The following HEMK2 variants were observed in gnomAD, a reference collection of about 807,000 sequenced individuals.
HEMK2 encodes HemK methyltransferase 2, ETF1 glutamine and histone H4 lysine, also known as methyltransferase HEMK2.
chr21:28,762,944 G>A, the HEMK2 span, among the ~76,000 whole-genome samples: 4 of 152,164 alleles, frequency 2.6e-5, no homozygotes, highest in Non-Finnish European at 5.9e-5. Flanking sequence ...TGTAACTACA[G>A]AGAGCTAGCG....
the HEMK2 span, among the ~76,000 whole-genome samples, chr21:28,693,947 G>A: frequency 1.1e-4 from 17 of 152,032 alleles, no homozygotes; most frequent in Non-Finnish European, 1.9e-4. Flanking sequence ...TTTTTTCAAA[G>A]TATTTCCAGG....
At chr21:28,753,340 CA>C in the HEMK2 span, among the ~76,000 whole-genome samples, 2 of 139,380 alleles carry the variant, frequency 1.4e-5, no homozygotes, top group Admixed American at 7.6e-5. Flanking sequence ...CTGGGCAACA[CA>C]GTGAGACTCT....
At chr21:28,712,521 T>C in the HEMK2 span, among the ~76,000 whole-genome samples, 1 of 152,188 alleles carries the variant, frequency 6.6e-6, no homozygotes, top group East Asian at 1.9e-4. Context: ...CAACAATGTT[T>C]CAAGGAGGCT....
the HEMK2 span, among the ~76,000 whole-genome samples, chr21:28,833,744 T>C: frequency 2.2e-4 from 33 of 152,324 alleles, no homozygotes; most frequent in African/African-American, 7.7e-4. Flanking sequence ...CCAGGCAAGG[T>C]TGGACTGAAT....
the HEMK2 span, among the ~76,000 whole-genome samples, chr21:28,675,570 C>T: frequency 5.3e-5 from 8 of 152,182 alleles, no homozygotes; most frequent in Non-Finnish European, 1.2e-4. Flanking sequence ...TAACCTTGCT[C>T]AGGGCATGCC....
the HEMK2 span, among the ~76,000 whole-genome samples, chr21:28,797,689 T>C: frequency 6.6e-6 from 1 of 151,728 alleles, no homozygotes; most frequent in Non-Finnish European, 1.5e-5. Flanking sequence ...AAAAAATAAC[T>C]TGGGTGACAG....
At chr21:28,786,752 G>T in the HEMK2 span, among the ~76,000 whole-genome samples, 1 of 151,442 alleles carries the variant, frequency 6.6e-6, no homozygotes, top group African/African-American at 2.4e-5. Flanking sequence ...AAAGACTGAT[G>T]ATATTATTAA....
the HEMK2 span, among the ~76,000 whole-genome samples, chr21:28,632,782 G>C: frequency 2.2e-3 from 332 of 152,252 alleles, 1 homozygote; most frequent in African/African-American, 7.6e-3. Context: ...TTTAGCTAAT[G>C]ACAGTAGCTA....
the HEMK2 span, among the ~76,000 whole-genome samples, chr21:28,633,975 C>A: frequency 1.3e-5 from 2 of 152,160 alleles, no homozygotes; most frequent in African/African-American, 2.4e-5. Flanking sequence ...CTTCGGTTAT[C>A]TAAGATAATT....
the HEMK2 span, among the ~76,000 whole-genome samples, chr21:28,624,545 G>C: frequency 2.0e-5 from 3 of 152,194 alleles, no homozygotes; most frequent in Non-Finnish European, 4.4e-5. Context: ...TTTAGGGCAT[G>C]ATGACACCCA....
chr21:28,839,110 A>C, the HEMK2 span, among the ~76,000 whole-genome samples: 1,124 of 150,864 alleles, frequency 7.5e-3, 18 homozygotes, highest in African/African-American at 0.026. Flanking sequence ...AACAGAATTA[A>C]AAACGAAAAT....
chr21:28,575,975 G>A, the HEMK2 span, among the ~76,000 whole-genome samples: 1,921 of 152,196 alleles, frequency 0.013, 32 homozygotes, highest in African/African-American at 0.044. Flanking sequence ...ACCACACATT[G>A]TTTAATTATT....
At chr21:28,752,457 A>G in the HEMK2 span, among the ~76,000 whole-genome samples, 1 of 152,238 alleles carries the variant, frequency 6.6e-6, no homozygotes, top group African/African-American at 2.4e-5. Flanking sequence ...AGACATAGAA[A>G]TGCCCTATGA....
chr21:28,694,132 A>G, the HEMK2 span, among the ~76,000 whole-genome samples: 3 of 152,348 alleles, frequency 2.0e-5, no homozygotes, highest in East Asian at 5.8e-4. Flanking sequence ...GGCCTGGCCT[A>G]CAGTTTCTTG....
the HEMK2 span, among the ~76,000 whole-genome samples, chr21:28,865,437 G>A: frequency 6.6e-6 from 1 of 152,242 alleles, no homozygotes; most frequent in Non-Finnish European, 1.5e-5. Flanking sequence ...AGCATGCTGG[G>A]ATTACAGGCG....
chr21:28,885,341 G>T, the HEMK2 span: 10 of 1,567,930 alleles, frequency 6.4e-6, no homozygotes, highest in African/African-American at 2.7e-5. Flanking sequence ...GTTCTCCCCT[G>T]CCATAGTCCT....
the HEMK2 span, among the ~76,000 whole-genome samples, chr21:28,623,980 T>TA: frequency 8.1e-4 from 123 of 151,640 alleles, 1 homozygote; most frequent in African/African-American, 2.7e-3. Flanking sequence ...CTTAAAGTAT[T>TA]AAAAAAAAAC....
the HEMK2 span, among the ~76,000 whole-genome samples, chr21:28,577,800 T>A: frequency 1.3e-5 from 2 of 152,142 alleles, no homozygotes; most frequent in Non-Finnish European, 2.9e-5. Flanking sequence ...CCTACCCACA[T>A]CCAATTCATC....
chr21:28,831,506 A>AGAAG, the HEMK2 span, among the ~76,000 whole-genome samples: 1 of 88,406 alleles, frequency 1.1e-5, no homozygotes, highest in East Asian at 3.7e-4. Flanking sequence ...AAAGAAAGAA[A>AGAAG]GAAAGAAAGA....
Sources: allele counts gnomAD v4.1 joint callset (sites outside exome capture counted in the v4.1 genomes callset), GRCh38; gene constraint gnomAD v4.1.1; transcripts MANE v1.5; gene names NCBI Gene and HGNC (gene_info 2026-07-23, HGNC 2026-07-21).